PDS5B: variants seen among roughly 807,000 people sequenced by gnomAD.
The protein encoded by PDS5B is sister chromatid cohesion protein PDS5 homolog B.
A neutral mutation model predicts 184.1 loss-of-function variants in PDS5B; 51 were observed. That is an observed-to-expected ratio of 0.28 (90% CI 0.22 to 0.35). The LOEUF (loss-of-function observed/expected upper bound fraction) is 0.35. Ranked by LOEUF, PDS5B falls within the 10% of genes least tolerant of loss-of-function variation. The probability of loss-of-function intolerance (pLI) is 1.00; values close to 1 mark genes in which losing one functional copy is unlikely to be tolerated. For missense variants in PDS5B, 1,180 were observed against 1,723.3 expected, an observed-to-expected ratio of 0.68 and a Z score of 5.58; for synonymous variants, 566 against 569.2, an observed-to-expected ratio of 0.99 and a Z score of 0.08.
At chr13:32,608,538 G>GT (rs1200811712) in intron 1 of PDS5B, among the ~76,000 whole-genome samples, 2 of 152,184 alleles carry the variant, frequency 1.3e-5, no homozygotes, top group African/African-American at 4.8e-5. Context: ...TAGACTTGAA[G>GT]TTGTTAGGGC....
Position 32,675,828 on chromosome 13 carries a change from T to G in PDS5B, c.847-16T>G. The G allele has an allele frequency of 1.4e-6, 2 of 1,459,188 alleles. No individual in the cohort carries two copies. The highest frequency in any genetic ancestry group is 1.9e-6 in the Non-Finnish European group (2 of 1,039,264). 90.4% of individuals were successfully genotyped at this position (1,459,188 alleles called of 1,614,324 possible). ...CTACTGCATGGTTTTAAAGCTGTGA[T>G]TGTGTTTTATTTTAGAGCAATGATA... On this transcript the variant is annotated splice_polypyrimidine_tract_variant and intron_variant, in intron 8 of 34. Coordinates refer to ENST00000315596, the MANE Select transcript of PDS5B (RefSeq NM_015032.4).
chr13:32,735,927 T>C (rs1953314500), intron 21 of PDS5B, among the ~76,000 whole-genome samples: 1 of 152,188 alleles, frequency 6.6e-6, no homozygotes, highest in Admixed American at 6.5e-5. Flanking sequence ...CAGTTTGTCC[T>C]GTCAGTTGTG....
chr13:32,716,056 AG>A (rs1161820413), intron 19 of PDS5B, among the ~76,000 whole-genome samples: 5 of 68 alleles, frequency 0.074, no homozygotes, highest in Admixed American at 0.25. Context: ...AAGTGCCGAG[AG>A]TTGCAGCCTC....
intron 30 of PDS5B, 151 bp from the exon 31 acceptor site, chr13:32,764,338 T>G: frequency 5.1e-6 from 2 of 394,522 alleles, no homozygotes; most frequent in Non-Finnish European, 9.2e-6. Context: ...TCATTGCTTG[T>G]TGAGTTGGTA....
Position 32,775,313 on chromosome 13 carries a change from T to A in PDS5B, c.*261T>A. 1 of 450,742 alleles carries A rather than the reference T, an allele frequency of 2.2e-6. No individual in the cohort carries two copies. The highest frequency in any genetic ancestry group is 3.9e-6 in the Non-Finnish European group (1 of 253,680). The allele number at this position is 450,742 out of a possible 1,614,324, so 27.9% of individuals were successfully genotyped here. ...CATAAAGAAGAAACTTGTAAATATCTTTTTTCTTTTTTTTAATGTTTCTGA... is the reference window on the plus strand; with the variant it reads ...CATAAAGAAGAAACTTGTAAATATCATTTTTCTTTTTTTTAATGTTTCTGA... On this transcript the variant is annotated 3_prime_UTR_variant, in exon 35 of 35. Coordinates refer to ENST00000315596, the MANE Select transcript of PDS5B (RefSeq NM_015032.4).
At chr13:32,645,118 C>G (rs1479693777) in intron 1 of PDS5B, among the ~76,000 whole-genome samples, 1 of 152,050 alleles carries the variant, frequency 6.6e-6, no homozygotes, top group Non-Finnish European at 1.5e-5. Context: ...CTCAAGTGAT[C>G]TTGTCACCTC....
intron 6 of PDS5B, among the ~76,000 whole-genome samples, chr13:32,665,331 T>G (rs139035038): frequency 8.6e-5 from 13 of 151,934 alleles, no homozygotes; most frequent in Admixed American, 8.5e-4. Flanking sequence ...GTGGCTCAAG[T>G]CTGTAATCCC....
At chr13:32,666,172 C>T (rs971366598) in intron 6 of PDS5B, among the ~76,000 whole-genome samples, 2 of 152,134 alleles carry the variant, frequency 1.3e-5, no homozygotes, top group Admixed American at 1.3e-4. Flanking sequence ...CCTCTGCCTC[C>T]CAGGTTCAAG....
intron 17 of PDS5B, among the ~76,000 whole-genome samples, chr13:32,704,520 T>A (rs1951950904): frequency 6.6e-6 from 1 of 152,246 alleles, no homozygotes; most frequent in Non-Finnish European, 1.5e-5. Flanking sequence ...TGAGAAGAGA[T>A]GACCCAGTCT....
At chr13:32,603,086 C>G (rs934514901) in intron 1 of PDS5B, among the ~76,000 whole-genome samples, 1 of 152,194 alleles carries the variant, frequency 6.6e-6, no homozygotes, top group African/African-American at 2.4e-5. Context: ...TGTGCAGAAG[C>G]TCTTTAGTTT....
intron 1 of PDS5B, among the ~76,000 whole-genome samples, chr13:32,593,681 G>A (rs941155716): frequency 2.0e-5 from 3 of 152,198 alleles, no homozygotes; most frequent in African/African-American, 7.2e-5. Flanking sequence ...AGAAGACAAT[G>A]TTATTAAGAA....
intron 18 of PDS5B, among the ~76,000 whole-genome samples, 189 bp from the exon 19 acceptor site, chr13:32,709,757 C>T (rs1394065604): frequency 6.6e-5 from 10 of 151,994 alleles, no homozygotes; most frequent in Non-Finnish European, 1.5e-5. Context: ...ATACAATCTT[C>T]CTACAGAGGA....
chr13:32,709,213 G>A (rs1400708725), intron 18 of PDS5B, among the ~76,000 whole-genome samples: 2 of 151,366 alleles, frequency 1.3e-5, no homozygotes, highest in East Asian at 1.9e-4. Context: ...TTTATTTTAT[G>A]CTTTAAAAAA....
chr13:32,720,229 A>G (rs1274861892), intron 19 of PDS5B, among the ~76,000 whole-genome samples: 1 of 152,236 alleles, frequency 6.6e-6, no homozygotes, highest in African/African-American at 2.4e-5. Flanking sequence ...AAAGATGCTT[A>G]TGTAATCAAG....
intron 18 of PDS5B, among the ~76,000 whole-genome samples, chr13:32,707,897 C>T (rs1412814502): frequency 1.3e-5 from 2 of 151,768 alleles, no homozygotes; most frequent in African/African-American, 2.4e-5. Flanking sequence ...AGCTCAGATA[C>T]AGGACCAAAT....
rs769346715 is a variant in PDS5B, at chr13:32,694,214, G to A, written c.1470-9G>A. On this transcript the variant is annotated splice_polypyrimidine_tract_variant and intron_variant, in intron 13 of 34. Transcript: ENST00000315596. ...TTGTTATTTAAATGTGTATGTTTGT[G>A]TTTTTCAGAGCATTGAATGAAATGT... 3 of 1,578,410 alleles carry A rather than the reference G, an allele frequency of 1.9e-6. No homozygotes were observed. The highest frequency in any genetic ancestry group is 1.1e-5 in the South Asian group (1 of 88,936).
chr13:32,754,094 T>A (rs533219607), intron 25 of PDS5B, among the ~76,000 whole-genome samples: 1 of 152,300 alleles, frequency 6.6e-6, no homozygotes, highest in Non-Finnish European at 1.5e-5. Context: ...CTGTTAATTC[T>A]TTCTCCAAAT....
At chr13:32,739,096 T>C (rs1953446661) in intron 21 of PDS5B, among the ~76,000 whole-genome samples, 1 of 152,206 alleles carries the variant, frequency 6.6e-6, no homozygotes, top group South Asian at 2.1e-4. Context: ...GCCTCCCATA[T>C]GTTCTTCTAA....
At chr13:32,658,407 T>C in intron 4 of PDS5B, 27 bp from the exon 5 acceptor site, 1 of 1,466,522 alleles carries the variant, frequency 6.8e-7, no homozygotes, top group Non-Finnish European at 9.4e-7. Context: ...AATGCTTAAC[T>C]TTCACTTTTT....
Sources: gnomAD v4.1 joint callset for allele counts (sites outside exome capture counted in the v4.1 genomes callset) on GRCh38, gnomAD v4.1.1 for gene constraint, MANE v1.5 for transcripts, NCBI Gene and HGNC (gene_info 2026-07-23, HGNC 2026-07-21) for gene names.